The following IDH2 variants were observed in gnomAD, a reference collection of about 807,000 sequenced individuals.
The protein encoded by IDH2 is isocitrate dehydrogenase (NADP(+)) 2.
A neutral mutation model predicts 50.5 loss-of-function variants in IDH2; 18 were observed. The observed-to-expected ratio is 0.36, with a 90% confidence interval of 0.25 to 0.53. The LOEUF (loss-of-function observed/expected upper bound fraction) is 0.53, where lower values mean the gene tolerates loss of function less well. Among genes scored for constraint, IDH2 ranks in the 20% least tolerant of loss-of-function variants. The probability of loss-of-function intolerance (pLI) is 0.92; values close to 1 mark genes in which losing one functional copy is unlikely to be tolerated. For missense variants in IDH2, 518 were observed against 610.7 expected (o/e 0.85, Z 1.60); for synonymous variants, 280 against 239.8 (o/e 1.17, Z -1.55).
chr15:90,088,302 A>G, intron 5 of IDH2, 57 bp downstream of exon 5: 2 of 1,600,862 alleles, frequency 1.2e-6, no homozygotes, highest in Non-Finnish European at 1.7e-6. Context: ...GCCACGAGAC[A>G]GAGATGAAGA....
intron 1 of IDH2, among the ~76,000 whole-genome samples, chr15:90,096,915 CG>C (rs1901197942): frequency 6.8e-6 from 1 of 147,918 alleles, no homozygotes; most frequent in South Asian, 2.1e-4. Context: ...GACTCCGTCT[CG>C]AAAAAAAAAA....
In IDH2 at chr15:90,098,826, G is replaced by A. The variant is rs774946885; in HGVS notation, c.115+3450C>T. On this transcript the variant is annotated intron_variant, in intron 1 of 10. Transcript: ENST00000330062. The surrounding 1 kb of genome is among the most constrained non-coding windows in gnomAD (Gnocchi z 5.1). ...CCCAAAGTCCTGGGAGCCACCGCAC[G>A]CGGCCAGAACAGCCATTTTGGAACA... 7.9e-5 allele frequency among the ~76,000 whole-genome samples: 12 copies of A among 152,136 alleles called. No homozygotes were observed. Among genetic ancestry groups the A allele is most frequent in the African/African-American group, 2.7e-4 (11 of 41,432 alleles).
In IDH2 at chr15:90,085,542, A is replaced by G. The variant is rs891680758; in HGVS notation, c.968-155T>C. ...CAACTGGGAGGACAGGGACTGTTCCAGGTCTCTTCACCCTCCTGTGGGTCT... is the reference window on the plus strand; with the variant it reads ...CAACTGGGAGGACAGGGACTGTTCCGGGTCTCTTCACCCTCCTGTGGGTCT... On this transcript the variant is annotated intron_variant, in intron 7 of 10. Coordinates refer to ENST00000330062, the MANE Select transcript of IDH2 (RefSeq NM_002168.4). The surrounding 1 kb of genome is among the most constrained non-coding windows in gnomAD (Gnocchi z 5.5). Among the ~76,000 whole-genome samples, 1 of 152,194 alleles carries G rather than the reference A, an allele frequency of 6.6e-6. No homozygotes were observed. The highest frequency in any genetic ancestry group is 1.5e-5 in the Non-Finnish European group (1 of 68,016).
intron 1 of IDH2, among the ~76,000 whole-genome samples, chr15:90,094,031 A>G (rs764269061): frequency 6.6e-6 from 1 of 152,088 alleles, no homozygotes; most frequent in Admixed American, 6.5e-5. Context: ...ACCCTATTCA[A>G]CAGGAAGGAC....
intron 1 of IDH2, among the ~76,000 whole-genome samples, chr15:90,097,956 C>T (rs1288046134): frequency 6.6e-6 from 1 of 152,200 alleles, no homozygotes; most frequent in Non-Finnish European, 1.5e-5. Flanking sequence ...TCCCTTCACT[C>T]CATGACAGCC....
rs745638545 is a variant in IDH2, at chr15:90,090,389, A to G, written c.373+90T>C. 2.8e-6 allele frequency: 4 copies of G among 1,408,568 alleles called. No homozygotes were observed. In the East Asian group the frequency reaches 9.7e-5, roughly 34 times the overall value. The allele number at this position is 1,408,568 out of a possible 1,614,324, so 87.3% of individuals were successfully genotyped here. A position where few individuals can be genotyped will look rare whatever the true frequency, so the allele number is the denominator to read the frequency against. ...CAACCTCCCAGTCCCGAGATGAGTG[A>G]CATGGCCAACTGCCCCACCCCAAGT... On this transcript the variant is annotated intron_variant, in intron 3 of 10. Transcript: ENST00000330062.
At chr15:90,096,696 C>G (rs1017559276) in intron 1 of IDH2, among the ~76,000 whole-genome samples, 1 of 152,028 alleles carries the variant, frequency 6.6e-6, no homozygotes, top group Non-Finnish European at 1.5e-5. Flanking sequence ...GGGTGGATCA[C>G]GAGGTCAGAA....
chr15:90,084,388 T>C lies in IDH2; in HGVS notation c.1272-35A>G. ...GAGCACCACTCACATCAGGGGTGGC[T>C]CCAGGCCTTGCCAAGGCCATCAGCC... is the stretch of plus-strand genomic sequence containing the variant. On this transcript the variant is annotated intron_variant, in intron 10 of 10. Transcript: ENST00000330062. This position sits in a 1 kb window ranked among gnomAD's most constrained non-coding sequence, Gnocchi z 5.0. 6.3e-7 allele frequency: 1 copy of C among 1,589,296 alleles called. No homozygotes were observed. Among genetic ancestry groups the C allele is most frequent in the Non-Finnish European group, 8.6e-7 (1 of 1,161,786 alleles).
intron 7 of IDH2, 121 bp downstream of exon 7, chr15:90,086,991 C>G (rs756431294): frequency 1.8e-6 from 2 of 1,091,794 alleles, no homozygotes; most frequent in South Asian, 2.5e-5. Flanking sequence ...CTGCTGTCCA[C>G]AGAGGACCCT....
intron 1 of IDH2, among the ~76,000 whole-genome samples, chr15:90,101,496 T>G (rs1463759459): frequency 6.6e-6 from 1 of 152,084 alleles, no homozygotes; most frequent in Non-Finnish European, 1.5e-5. Context: ...CTGTCTTCCC[T>G]CCTAAGCAGG....
In IDH2 at chr15:90,100,999, T is replaced by C. The variant is rs1431577975; in HGVS notation, c.115+1277A>G. On this transcript the variant is annotated intron_variant, in intron 1 of 10. Coordinates refer to ENST00000330062, the MANE Select transcript of IDH2 (RefSeq NM_002168.4). The surrounding 1 kb of genome is among the most constrained non-coding windows in gnomAD (Gnocchi z 4.1). ...GGAGAATTAAAGAATGTGGCTAACT[T>C]CCACCATATTTTTGCTGAAGGTGGT... is the stretch of plus-strand genomic sequence containing the variant. Among the ~76,000 whole-genome samples, 1 of 151,948 alleles carries C rather than the reference T, an allele frequency of 6.6e-6. No homozygotes were observed. The highest frequency in any genetic ancestry group is 6.6e-5 in the Admixed American group (1 of 15,248).
At chr15:90,087,615 C>T (rs748205361) in intron 5 of IDH2, 40 bp from the exon 6 acceptor site, 3 of 1,611,844 alleles carry the variant, frequency 1.9e-6, no homozygotes, top group East Asian at 4.5e-5. Context: ...GGTGCCCTAG[C>T]CTGGCGATTG....
In IDH2 at chr15:90,085,344, A is replaced by C. The variant is rs1222450557; in HGVS notation, c.1011T>G (p.Pro337=). The C allele has an allele frequency of 7.7e-6, 12 of 1,555,908 alleles. No homozygotes were observed. In the East Asian group the frequency reaches 2.9e-4, roughly 37 times the overall value. Residue 337 remains proline (P), a synonymous_variant, in exon 8 of 11, where the codon CCT becomes CCG. Transcript: ENST00000330062. This position sits in a 1 kb window ranked among gnomAD's most constrained non-coding sequence, Gnocchi z 5.5. ...CCTCAGCCTCAATCGTCTTCCCATC[A>C]GGGCAGACCAGGACGGACGTCATCA... ...LGLMTSVLVC[P]DGKTIEAEAA... is the part of the protein sequence containing the mutation.
At chr15:90,099,262 C>T (rs1003663214) in intron 1 of IDH2, among the ~76,000 whole-genome samples, 5 of 152,154 alleles carry the variant, frequency 3.3e-5, no homozygotes, top group African/African-American at 1.2e-4. Context: ...TGTCACTCCA[C>T]CTGGTGCCTG....
chr15:90,091,824 A>C (rs568113379), intron 1 of IDH2, among the ~76,000 whole-genome samples, 180 bp from the exon 2 acceptor site: 1 of 151,984 alleles, frequency 6.6e-6, no homozygotes, highest in Admixed American at 6.6e-5. Flanking sequence ...GGGGTCCCCA[A>C]CTCCCAGGCC....
At position 90,102,191 on chromosome 15, in the gene IDH2, G is replaced by C. The variant is rs1055902514; in HGVS notation, c.115+85C>G. ...CCGTCCCCGGGCTGCGGGCTGGCGG[G>C]ACGTGCTTCCCGGCCCCAGCCTGGG... On this transcript the variant is annotated intron_variant, in intron 1 of 10. Coordinates refer to ENST00000330062, the MANE Select transcript of IDH2 (RefSeq NM_002168.4). 7 of 512,528 alleles carry C rather than the reference G, an allele frequency of 1.4e-5. No homozygotes were observed. In the Admixed American group the frequency reaches 1.9e-4, roughly 14 times the overall value. The allele number at this position is 512,528 out of a possible 1,614,324, so 31.7% of individuals were successfully genotyped here.
At chr15:90,087,059 C>T in intron 7 of IDH2, 53 bp downstream of exon 7, 4 of 1,600,124 alleles carry the variant, frequency 2.5e-6, no homozygotes, top group Non-Finnish European at 3.4e-6. Flanking sequence ...ATCCCTCCAG[C>T]CAGAGAAGAC....
intron 1 of IDH2, among the ~76,000 whole-genome samples, chr15:90,094,232 G>C (rs1901123628): frequency 6.6e-6 from 1 of 152,148 alleles, no homozygotes; most frequent in Non-Finnish European, 1.5e-5. Context: ...CAACAGTCTG[G>C]GAAGTGAATT....
rs1900777980 is a variant in IDH2 at position 90,083,565 on chromosome 15, G to A, written c.*701C>T. On this transcript the variant is annotated 3_prime_UTR_variant, in exon 11 of 11. Transcript: ENST00000330062. ...CACACCCAAGCCCCTCCAAACTCAG[G>A]CAGCCTTGGAAAGGAGAAGTGTGAG... 1 of 153,328 alleles carries A rather than the reference G, an allele frequency of 6.5e-6. No individual in the cohort carries two copies. Among genetic ancestry groups the A allele is most frequent in the African/African-American group, 2.4e-5 (1 of 41,442 alleles). 9.5% of individuals were successfully genotyped at this position (153,328 alleles called of 1,614,324 possible).
Sources: gnomAD v4.1 joint callset for allele counts (sites outside exome capture counted in the v4.1 genomes callset) on GRCh38, gnomAD v4.1.1 for gene constraint, Gnocchi (gnomAD v3.1) non-coding constraint, MANE v1.5 for transcripts, NCBI Gene and HGNC (gene_info 2026-07-23, HGNC 2026-07-21) for gene names.